The following UBIAD1 variants were observed in gnomAD, a reference collection of about 807,000 sequenced individuals.
The protein encoded by UBIAD1 is UbiA prenyltransferase domain containing 1.
In UBIAD1, 12 loss-of-function variants were observed where a neutral mutation model predicts 20.1. The observed-to-expected ratio is 0.60, with a 90% CI of 0.38 to 0.97. The LOEUF (loss-of-function observed/expected upper bound fraction) is 0.97. UBIAD1 is among the 50% of genes least tolerant of loss of function. The probability of loss-of-function intolerance (pLI) is 0.00; values close to 1 mark genes in which losing one functional copy is unlikely to be tolerated. For synonymous variants in UBIAD1, 207 were observed against 189.2 expected, an observed-to-expected ratio of 1.09 and a Z score of -0.77; for missense variants, 333 against 419.5, an observed-to-expected ratio of 0.79 and a Z score of 1.80.
Position 11,294,426 on chromosome 1 carries a change from G to A in UBIAD1, c.530-447G>A, listed in dbSNP as rs1245809557. The stretch of plus-strand genomic sequence containing the variant: ...CTCCCAAAGCGTTGGGACTACAGGT[G>A]TGAGCCACCACACCCAGCCTTCACT... On this transcript the variant is annotated intron_variant, in intron 1 of 1. Coordinates refer to the UBIAD1 transcript ENST00000376804. Among the ~76,000 whole-genome samples the A allele has an allele frequency of 2.6e-5, 4 of 152,168 alleles. No individual in the cohort carries two copies. In the East Asian group the frequency reaches 5.8e-4, roughly 22 times the overall value.
At chr1:11,297,408 C>T (rs997444049), downstream of UBIAD1, among the ~76,000 whole-genome samples, 1 of 151,912 alleles carries the variant, frequency 6.6e-6, no homozygotes, top group African/African-American at 2.4e-5. Context: ...TCTCAGCCCC[C>T]AGACCTGTGA....
chr1:11,275,543 C>T (rs1651991309), intron 1 of UBIAD1, among the ~76,000 whole-genome samples: 1 of 151,994 alleles, frequency 6.6e-6, no homozygotes, highest in Non-Finnish European at 1.5e-5. Flanking sequence ...GAGTTAAACA[C>T]CAGCCTGGGC....
At chr1:11,274,102 G>A (rs369435530) in intron 1 of UBIAD1, 42 bp downstream of exon 1, 3 of 1,611,844 alleles carry the variant, frequency 1.9e-6, no homozygotes, top group African/African-American at 1.3e-5. Flanking sequence ...TCTTAGTCGC[G>A]TCCACTGGAA....
At chr1:11,282,741 A>AT (rs1454783304) in intron 1 of UBIAD1, among the ~76,000 whole-genome samples, 1 of 136,218 alleles carries the variant, frequency 7.3e-6, no homozygotes, top group African/African-American at 2.8e-5. Context: ...TTTTTTTTGT[A>AT]TTTTTAGTAG....
chr1:11,274,373 A>G (rs1481445878), intron 1 of UBIAD1, among the ~76,000 whole-genome samples: 1 of 152,162 alleles, frequency 6.6e-6, no homozygotes, highest in Non-Finnish European at 1.5e-5. Flanking sequence ...ATCTCGGCCC[A>G]CTGCAGCCTC....
In UBIAD1 at chr1:11,294,885, C is replaced by T. The variant is rs1026985733; in HGVS notation, c.*2C>T. 3 of 717,486 alleles carry T rather than the reference C, an allele frequency of 4.2e-6. No individual in the cohort carries two copies. In the East Asian group the frequency reaches 8.0e-5, roughly 19 times the overall value. The allele number at this position is 717,486 out of a possible 1,614,324, so 44.4% of individuals were successfully genotyped here. A position where few individuals can be genotyped will look rare whatever the true frequency, so the allele number is the denominator to read the frequency against. ...TCGTCTCTTCCAGTCCTCATCTAGC[C>T]ACTGAAGCAGAGTGCCCACATCAGG... On this transcript the variant is annotated 3_prime_UTR_variant, in exon 2 of 2. Transcript: ENST00000376804.
chr1:11,274,201 G>A (rs1417790159), intron 1 of UBIAD1, 141 bp downstream of exon 1: 4 of 1,140,724 alleles, frequency 3.5e-6, no homozygotes, highest in South Asian at 2.7e-5. Context: ...TGTGGGTGAT[G>A]TGAATTTTTT....
At chr1:11,274,202 T>A in intron 1 of UBIAD1, 142 bp downstream of exon 1, 2 of 1,102,720 alleles carry the variant, frequency 1.8e-6, no homozygotes, top group South Asian at 1.4e-5. Context: ...GTGGGTGATG[T>A]GAATTTTTTG....
At chr1:11,290,943 A>G (rs544282428), downstream of UBIAD1, among the ~76,000 whole-genome samples, 24 of 138,378 alleles carry the variant, frequency 1.7e-4, no homozygotes, top group Non-Finnish European at 2.6e-4. Flanking sequence ...AGCCTGGACA[A>G]CAGAGCAAGA....
chr1:11,278,867 C>CT (rs1011374150), intron 1 of UBIAD1: 323 of 402,458 alleles, frequency 8.0e-4, no homozygotes, highest in Middle Eastern at 1.5e-3. Flanking sequence ...GCTATATATT[C>CT]TTTTTTTTTA....
downstream of UBIAD1, among the ~76,000 whole-genome samples, chr1:11,290,232 T>C (rs1269436856): frequency 6.6e-6 from 1 of 152,200 alleles, no homozygotes. Context: ...CAATGCCAGC[T>C]ACCTCTTGAG....
chr1:11,281,763 G>T (rs1209430266), intron 1 of UBIAD1, among the ~76,000 whole-genome samples: 2 of 152,164 alleles, frequency 1.3e-5, no homozygotes, highest in Non-Finnish European at 2.9e-5. Context: ...AAGAACCACT[G>T]TTCTGATTCC....
Position 11,285,684 on chromosome 1 carries a change from C to T in UBIAD1, c.570C>T (p.Ile190=), listed in dbSNP as rs747989018. The T allele has an allele frequency of 6.2e-6, 10 of 1,614,090 alleles. No homozygotes were observed. Among genetic ancestry groups the T allele is most frequent in the Non-Finnish European group, 7.6e-6 (9 of 1,180,050 alleles). The change falls in exon 2 of 2, where the codon ATC becomes ATT. Residue 190 remains isoleucine (I), a synonymous_variant. Coordinates refer to ENST00000376810, the MANE Select transcript of UBIAD1 (RefSeq NM_013319.3). This position sits in a 1 kb window ranked among gnomAD's most constrained non-coding sequence, Gnocchi z 4.4. ...ACGTGGCTCTGGGAGACCTCATCAT[C>T]CTCATCACTTTTGGCCCGCTGGCTG... ...FKYVALGDLI[I]LITFGPLAVM...
chr1:11,293,516 T>C (rs1638400542), intron 1 of UBIAD1: 1 of 152,256 alleles, frequency 6.6e-6, no homozygotes, highest in African/African-American at 2.4e-5. Flanking sequence ...AGGCAGTCAG[T>C]AACTGGTTGT....
chr1:11,285,691 A>G lies in UBIAD1; in HGVS notation c.577A>G (p.Thr193Ala), dbSNP rs1281286162. 38 of 1,613,860 alleles carry G rather than the reference A, an allele frequency of 2.4e-5. No homozygotes were observed. The highest frequency in any genetic ancestry group is 2.8e-5 in the Non-Finnish European group (33 of 1,179,968). The change falls in exon 2 of 2, where the codon ACT (threonine) becomes GCT (alanine). Residue 193 changes from threonine to alanine, a missense_variant. By Grantham distance (58) the Thr-to-Ala change is moderately conservative. Transcript: ENST00000376810. This position sits in a 1 kb window ranked among gnomAD's most constrained non-coding sequence, Gnocchi z 4.4. ...VALGDLIILI[T>A]FGPLAVMFAY... ...TCTGGGAGACCTCATCATCCTCATC[A>G]CTTTTGGCCCGCTGGCTGTGATGTT...
intron 1 of UBIAD1, among the ~76,000 whole-genome samples, chr1:11,284,034 T>G (rs935497355): frequency 4.6e-5 from 7 of 152,194 alleles, no homozygotes; most frequent in African/African-American, 1.7e-4. Flanking sequence ...GTGCCAAGTA[T>G]TGGGGAGTGA....
downstream of UBIAD1, chr1:11,295,411 G>A (rs1638431725): frequency 6.2e-6 from 1 of 160,316 alleles, no homozygotes; most frequent in African/African-American, 2.4e-5. Flanking sequence ...GGAGCATTGA[G>A]GCAGGTGTGC....
intron 1 of UBIAD1, among the ~76,000 whole-genome samples, chr1:11,282,434 G>T (rs1339196800): frequency 2.0e-5 from 3 of 152,096 alleles, no homozygotes; most frequent in African/African-American, 7.2e-5. Flanking sequence ...CTAGGAAACA[G>T]CTTTCTCCCC....
At position 11,285,992 on chromosome 1, in the gene UBIAD1, C is replaced by G; in HGVS notation, c.878C>G (p.Ala293Gly). The change falls in exon 2 of 2, where the codon GCC becomes GGC. Residue 293 changes from alanine (A) to glycine (G), a missense_variant. Transcript: ENST00000376810. This position sits in a 1 kb window ranked among gnomAD's most constrained non-coding sequence, Gnocchi z 4.4. ...LALPLLTIPMAFSLERQFRSQ... is the reference protein window; with the variant it reads ...LALPLLTIPMGFSLERQFRSQ... ...CTCCCCCTGCTTACCATTCCCATGG[C>G]CTTCTCCCTTGAGAGACAGTTTCGA... 2 of 1,614,226 alleles carry G rather than the reference C, an allele frequency of 1.2e-6. No homozygotes were observed. Among genetic ancestry groups the G allele is most frequent in the Non-Finnish European group, 1.7e-6 (2 of 1,180,044 alleles).
Sources: gnomAD v4.1 joint callset for allele counts (sites outside exome capture counted in the v4.1 genomes callset) on GRCh38, gnomAD v4.1.1 for gene constraint, Gnocchi (gnomAD v3.1) non-coding constraint, MANE v1.5 for transcripts, NCBI Gene and HGNC (gene_info 2026-07-23, HGNC 2026-07-21) for gene names.